Variants in ZNF554 observed in about 807,000 individuals in gnomAD.
ZNF554 encodes zinc finger protein 554.
ZNF554 carries 15 observed loss-of-function variants against 21.2 expected under a neutral mutation model. That is an observed-to-expected ratio of 0.71 (90% CI 0.47 to 1.09). The LOEUF (loss-of-function observed/expected upper bound fraction) is 1.09. Among genes scored for constraint, ZNF554 ranks in the 50% least tolerant of loss-of-function variants. The pLI is 0.00. For missense variants in ZNF554, 691 were observed against 662.7 expected, an observed-to-expected ratio of 1.04 and a Z score of -0.47; for synonymous variants, 258 against 251.4, an observed-to-expected ratio of 1.03 and a Z score of -0.25.
At chr19:2,823,259 C>A (rs6510702) in intron 2 of ZNF554, 147 bp downstream of exon 2, 274,143 of 686,566 alleles carry the variant, frequency 0.4, 57,988 homozygotes, top group African/African-American at 0.55. Flanking sequence ...TGAGGTACTC[C>A]TGCTGCTCCC....
Position 2,834,353 on chromosome 19 carries a change from C to T in ZNF554, c.1118C>T (p.Thr373Ile). The T allele has an allele frequency of 6.2e-7, 1 of 1,614,036 alleles. No individual in the cohort carries two copies. The highest frequency in any genetic ancestry group is 1.1e-5 in the South Asian group (1 of 91,078). The change falls in exon 5 of 5, where the codon ACT becomes ATT. Residue 373 changes from threonine (T) to isoleucine (I), a missense_variant. Coordinates refer to ENST00000317243, the MANE Select transcript of ZNF554 (RefSeq NM_001102651.2). ...TCCACCCTCACGCGCCATCTGAGAA[C>T]TCATACTGGAGAGAAGCCCTACGGG... is the stretch of plus-strand genomic sequence containing the variant. ...HSSTLTRHLR[T>I]HTGEKPYGCG...
Position 2,823,044 on chromosome 19 carries a change from G to C in ZNF554, c.58G>C (p.Ala20Pro), listed in dbSNP as rs749171684. 1.1e-5 allele frequency: 18 copies of C among 1,613,400 alleles called. No individual in the cohort carries two copies. The highest frequency in any genetic ancestry group is 1.4e-5 in the Non-Finnish European group (17 of 1,179,596). Reference sequence around the variant, plus strand: ...GCGCCTTTTTCCTCCCCACAGCTCTGCCTGCCCAGGAACCTGCTTTTCCCA... The same window carrying C: ...GCGCCTTTTTCCTCCCCACAGCTCTCCCTGCCCAGGAACCTGCTTTTCCCA... ...RARLPAAQPSACPGTCFSQEE... is the reference protein window; with the variant it reads ...RARLPAAQPSPCPGTCFSQEE... The change falls in exon 2 of 5, where the codon GCC becomes CCC. Residue 20 changes from alanine (A) to proline (P), a missense_variant. By Grantham distance (27) the Ala-to-Pro change is conservative. Coordinates refer to ENST00000317243, the MANE Select transcript of ZNF554 (RefSeq NM_001102651.2).
At chr19:2,826,636 T>G (rs1350041432) in intron 2 of ZNF554, among the ~76,000 whole-genome samples, 1 of 151,426 alleles carries the variant, frequency 6.6e-6, no homozygotes, top group Non-Finnish European at 1.5e-5. Flanking sequence ...CATATTTCAG[T>G]GGGTCAAGGT....
chr19:2,831,989 G>A (rs974119415), intron 3 of ZNF554: 15 of 179,540 alleles, frequency 8.4e-5, no homozygotes, highest in Admixed American at 5.3e-4. Context: ...GCAATGCCAC[G>A]ACCTCGGCTC....
Position 2,824,359 on chromosome 19 carries a change from A to G in ZNF554, c.126+1247A>G, listed in dbSNP as rs542569268. On this transcript the variant is annotated intron_variant, in intron 2 of 4. Transcript: ENST00000317243. Reference sequence around the variant, plus strand: ...TCCCCCAAGAGCACAGGGAGGCTCGAATCCACAGCTACAGGAGGACGGGGC... The same window carrying G: ...TCCCCCAAGAGCACAGGGAGGCTCGGATCCACAGCTACAGGAGGACGGGGC... 7.2e-4 allele frequency among the ~76,000 whole-genome samples: 109 copies of G among 152,314 alleles called. 1 individual carries two copies. The highest frequency in any genetic ancestry group is 2.5e-3 in the African/African-American group (102 of 41,562).
rs1460495657 is a variant in ZNF554, at chr19:2,819,924, C to T, written c.-148C>T. On this transcript the variant is annotated 5_prime_UTR_variant, in exon 1 of 5. Transcript: ENST00000317243. ...TTGGTGGCGGCGGCTGCGGCGAGTTCCTGAGGGGCGCCTGCGGGGGGCGTC... is the reference window on the plus strand; with the variant it reads ...TTGGTGGCGGCGGCTGCGGCGAGTTTCTGAGGGGCGCCTGCGGGGGGCGTC... The T allele has an allele frequency of 6.9e-5, 36 of 520,880 alleles. No homozygotes were observed. The highest frequency in any genetic ancestry group is 9.8e-5 in the South Asian group (1 of 10,172). 32.3% of individuals were successfully genotyped at this position (520,880 alleles called of 1,614,324 possible).
intron 2 of ZNF554, among the ~76,000 whole-genome samples, chr19:2,825,683 G>C (rs909725059): frequency 6.6e-6 from 1 of 152,146 alleles, no homozygotes; most frequent in African/African-American, 2.4e-5. Context: ...AGTCTTCCCA[G>C]CTTGGCTTCC....
Position 2,834,968 on chromosome 19 carries a change from C to A in ZNF554, c.*116C>A. The stretch of plus-strand genomic sequence containing the variant: ...GAAGTGGGTTTATGTCACCTTCTCA[C>A]CTTCTTATAAGAAAGCTCTGAGAAT... On this transcript the variant is annotated 3_prime_UTR_variant, in exon 5 of 5. Transcript: ENST00000317243. 1.1e-6 allele frequency: 1 copy of A among 943,862 alleles called. No individual in the cohort carries two copies. Among genetic ancestry groups the A allele is most frequent in the Non-Finnish European group, 1.6e-6 (1 of 642,826 alleles). The allele number at this position is 943,862 out of a possible 1,614,324, so 58.5% of individuals were successfully genotyped here. A position where few individuals can be genotyped will look rare whatever the true frequency, so the allele number is the denominator to read the frequency against.
At chr19:2,824,135 G>A (rs1176130890) in intron 2 of ZNF554, among the ~76,000 whole-genome samples, 1 of 152,204 alleles carries the variant, frequency 6.6e-6, no homozygotes, top group Non-Finnish European at 1.5e-5. Context: ...GGTGCAGGTT[G>A]CAGAGATGCC....
At position 2,827,741 on chromosome 19, in the gene ZNF554, T is replaced by G; in HGVS notation, c.251T>G (p.Leu84Arg). Residue 84 changes from leucine to arginine, a missense_variant and splice_region_variant, in exon 3 of 5, where the codon CTG becomes CGG. By Grantham distance (102) the Leu-to-Arg change is moderately radical. Transcript: ENST00000317243. The stretch of plus-strand genomic sequence containing the variant: ...GAGAACTACAGGAACGTGGTCTCCC[T>G]GGGTAAGGCAAGCATCACTAATTCC... Reference protein sequence around the residue: ...MLENYRNVVSLEALKNQCTDV... With the variant: ...MLENYRNVVSREALKNQCTDV... 6.2e-7 allele frequency: 1 copy of G among 1,613,944 alleles called. No individual in the cohort carries two copies. Among genetic ancestry groups the G allele is most frequent in the East Asian group, 2.2e-5 (1 of 44,876 alleles).
In ZNF554 at chr19:2,834,598, G is replaced by A. The variant is rs752132085; in HGVS notation, c.1363G>A (p.Glu455Lys). ...TGACCGTTCCTCTCTCAACCAGCACGAGCGAACTCACACGGGCGAGAACCC... is the reference window on the plus strand; with the variant it reads ...TGACCGTTCCTCTCTCAACCAGCACAAGCGAACTCACACGGGCGAGAACCC... Reference protein sequence around the residue: ...FSDRSSLNQHERTHTGENPYE... With the variant: ...FSDRSSLNQHKRTHTGENPYE... The change falls in exon 5 of 5, where the codon GAG (glutamate) becomes AAG (lysine). Residue 455 changes from glutamate (E) to lysine (K), a missense_variant. By Grantham distance (56) the Glu-to-Lys change is moderately conservative (BLOSUM62 1). Coordinates refer to ENST00000317243, the MANE Select transcript of ZNF554 (RefSeq NM_001102651.2). 5.0e-6 allele frequency: 8 copies of A among 1,613,848 alleles called. No individual in the cohort carries two copies. The highest frequency in any genetic ancestry group is 6.8e-6 in the Non-Finnish European group (8 of 1,179,954).
rs1391438989 is a variant in ZNF554 at position 2,835,131 on chromosome 19, T to G, written c.*279T>G. ...CTCCCACCCCAGCCTCCCAGGTAGC[T>G]AGTACTATAGGTGTGCACCACCACG... On this transcript the variant is annotated 3_prime_UTR_variant, in exon 5 of 5. Transcript: ENST00000317243. 8.0e-6 allele frequency: 3 copies of G among 374,700 alleles called. No homozygotes were observed. The highest frequency in any genetic ancestry group is 6.1e-5 in the African/African-American group (3 of 48,926). The allele number at this position is 374,700 out of a possible 1,614,324, so 23.2% of individuals were successfully genotyped here.
At chr19:2,823,161 A>G (rs555487092) in intron 2 of ZNF554, 49 bp downstream of exon 2, 7 of 1,563,270 alleles carry the variant, frequency 4.5e-6, no homozygotes, top group Admixed American at 3.6e-5. Context: ...TCCAGAGGGA[A>G]CAATCCCACC....
At chr19:2,826,900 G>A (rs1015753452) in intron 2 of ZNF554, among the ~76,000 whole-genome samples, 2 of 152,110 alleles carry the variant, frequency 1.3e-5, no homozygotes. Flanking sequence ...CTGACGTCGT[G>A]ATCCACCCGC....
chr19:2,833,818 G>C lies in ZNF554; in HGVS notation c.583G>C (p.Asp195His), dbSNP rs746561729. The change falls in exon 5 of 5, where the codon GAC becomes CAC. Residue 195 changes from aspartate (D) to histidine (H), a missense_variant. Asp to His is a moderately conservative substitution (Grantham distance 81, BLOSUM62 -1). Coordinates refer to ENST00000317243, the MANE Select transcript of ZNF554 (RefSeq NM_001102651.2). ...GAAGCAGTTAGAGGACAGCCATGAA[G>C]ACCCCCAGGGGCTTTTGAGCCAAAA... ...GWKQLEDSHE[D>H]PQGLLSQKAS... The C allele has an allele frequency of 6.2e-7, 1 of 1,612,696 alleles. No individual in the cohort carries two copies. The highest frequency in any genetic ancestry group is 8.5e-7 in the Non-Finnish European group (1 of 1,179,314).
At position 2,820,107 on chromosome 19, in the gene ZNF554, G is replaced by A. The variant is rs2537856; in HGVS notation, c.36G>A (p.Arg12=). The A allele has an allele frequency of 0.3, 369,169 of 1,218,642 alleles. 57,191 individuals carry two copies. The highest frequency in any genetic ancestry group is 0.43 in the East Asian group (13,183 of 30,320). The allele number at this position is 1,218,642 out of a possible 1,614,324, so 75.5% of individuals were successfully genotyped here. ...VTCAHLGRRA[R]LPAAQPSACP... ...GCGCCCACCTGGGCCGGCGCGCGCG[G>A]CTCCCGGCAGCTCAGCCGTAAGTGC... Residue 12 remains arginine (R), a synonymous_variant, in exon 1 of 5, where the codon CGG becomes CGA. Transcript: ENST00000317243.
chr19:2,829,274 G>T (rs941182223), intron 3 of ZNF554, among the ~76,000 whole-genome samples: 1 of 152,146 alleles, frequency 6.6e-6, no homozygotes, highest in Non-Finnish European at 1.5e-5. Flanking sequence ...CATGAGAATC[G>T]CTTGAACCTG....
At chr19:2,828,962 G>A (rs1328860616) in intron 3 of ZNF554, among the ~76,000 whole-genome samples, 3 of 152,076 alleles carry the variant, frequency 2.0e-5, no homozygotes, top group Non-Finnish European at 4.4e-5. Context: ...ACAATTCGAG[G>A]TGAGATTTGG....
At chr19:2,825,131 G>C (rs1024480834) in intron 2 of ZNF554, among the ~76,000 whole-genome samples, 1 of 148,746 alleles carries the variant, frequency 6.7e-6, no homozygotes, top group Non-Finnish European at 1.5e-5. Context: ...TTGTGTCTCA[G>C]CCTCCCAAGT....
Sources: allele counts gnomAD v4.1 joint callset (sites outside exome capture counted in the v4.1 genomes callset), GRCh38; gene constraint gnomAD v4.1.1; transcripts MANE v1.5; gene names NCBI Gene and HGNC (gene_info 2026-07-23, HGNC 2026-07-21).